GLIS3: variants seen among roughly 807,000 people sequenced by gnomAD.
The protein encoded by GLIS3 is zinc finger protein GLIS3.
A neutral mutation model predicts 78.6 loss-of-function variants in GLIS3; 53 were observed. The ratio of observed to expected loss-of-function variants is 0.67; its 90% CI spans 0.54 to 0.85. The LOEUF (loss-of-function observed/expected upper bound fraction) is 0.85, where lower values mean the gene tolerates loss of function less well. Ranked by LOEUF, GLIS3 falls within the 40% of genes least tolerant of loss-of-function variation. GLIS3 has a pLI of 0.00. For missense variants in GLIS3, 1,703 were observed against 1,231.1 expected, an observed-to-expected ratio of 1.38 and a Z score of -5.74; for synonymous variants, 684 against 509.9, an observed-to-expected ratio of 1.34 and a Z score of -4.60.
chr9:4,251,755 T>C (rs961865948), intron 2 of GLIS3, among the ~76,000 whole-genome samples: 45 of 152,180 alleles, frequency 3.0e-4, no homozygotes, highest in African/African-American at 1.0e-3. Context: ...GTTTTTCCTT[T>C]CCATGTTTAG....
chr9:4,333,323 G>A (rs577992309), intron 2 of GLIS3, among the ~76,000 whole-genome samples: 1 of 150,682 alleles, frequency 6.6e-6, no homozygotes, highest in South Asian at 2.1e-4. Context: ...AAAGCAAGGG[G>A]AAGGGAAGGA....
chr9:4,173,030 T>TA (rs1483127993), intron 2 of GLIS3, among the ~76,000 whole-genome samples: 1 of 152,212 alleles, frequency 6.6e-6, no homozygotes, highest in Non-Finnish European at 1.5e-5. Context: ...TTTTTAACAC[T>TA]ATGTGGACTT....
chr9:4,049,152 C>T (rs1039050359), intron 4 of GLIS3, among the ~76,000 whole-genome samples: 2 of 152,198 alleles, frequency 1.3e-5, no homozygotes, highest in Non-Finnish European at 2.9e-5. Flanking sequence ...ATAACAACAA[C>T]AGCTGCACCT....
intron 2 of GLIS3, among the ~76,000 whole-genome samples, chr9:4,315,611 A>T (rs1817424520): frequency 6.6e-6 from 1 of 152,198 alleles, no homozygotes; most frequent in Non-Finnish European, 1.5e-5. Context: ...TTCATGGAAG[A>T]CATACACTCA....
chr9:4,289,566 G>C (rs990799212), intron 1 of GLIS3, among the ~76,000 whole-genome samples: 2 of 152,138 alleles, frequency 1.3e-5, no homozygotes, highest in African/African-American at 4.8e-5. Flanking sequence ...TCCATCGGAA[G>C]AGCACCTTTC....
chr9:4,134,494 T>C (rs896499731), intron 2 of GLIS3, among the ~76,000 whole-genome samples: 1 of 152,208 alleles, frequency 6.6e-6, no homozygotes, highest in Admixed American at 6.5e-5. Context: ...TTTTACCTCT[T>C]AGCCTTAGTT....
chr9:4,385,161 T>C, the GLIS3 span, among the ~76,000 whole-genome samples: 1 of 152,238 alleles, frequency 6.6e-6, no homozygotes, highest in Admixed American at 6.5e-5. Flanking sequence ...TAGGATCTCA[T>C]GGGTTGCAGT....
At chr9:4,475,102 C>T in the GLIS3 span, among the ~76,000 whole-genome samples, 19 of 149,776 alleles carry the variant, frequency 1.3e-4, no homozygotes, top group African/African-American at 4.7e-4. Flanking sequence ...CAGGTGATTC[C>T]CCTTCCTCAG....
the GLIS3 span, among the ~76,000 whole-genome samples, chr9:4,417,785 C>T: frequency 6.6e-6 from 1 of 152,172 alleles, no homozygotes; most frequent in Non-Finnish European, 1.5e-5. Context: ...ACTTTGTAAT[C>T]TTTGCCTATC....
intron 1 of GLIS3, among the ~76,000 whole-genome samples, chr9:4,293,667 T>C (rs898240929): frequency 2.0e-4 from 30 of 152,224 alleles, no homozygotes; most frequent in African/African-American, 2.7e-4. Flanking sequence ...CTGTGTACAA[T>C]ATTCAGCAGG....
At chr9:4,143,675 T>C (rs1263005923) in intron 2 of GLIS3, among the ~76,000 whole-genome samples, 1 of 152,234 alleles carries the variant, frequency 6.6e-6, no homozygotes, top group Non-Finnish European at 1.5e-5. Context: ...CTCCAGAACT[T>C]ATTCGTCTTG....
intron 2 of GLIS3, among the ~76,000 whole-genome samples, chr9:4,345,476 C>G (rs1030201762): frequency 6.6e-6 from 1 of 152,142 alleles, no homozygotes; most frequent in Non-Finnish European, 1.5e-5. Context: ...GTCATTTTTA[C>G]TAGAATGGTA....
upstream of GLIS3, among the ~76,000 whole-genome samples, chr9:4,353,235 G>C (rs1044736289): frequency 1.3e-5 from 2 of 152,140 alleles, no homozygotes; most frequent in African/African-American, 4.8e-5. Context: ...TACCCTACCA[G>C]CCAGGCAAAA....
intron 6 of GLIS3, among the ~76,000 whole-genome samples, chr9:3,924,842 A>T (rs1825119374): frequency 6.6e-6 from 1 of 152,206 alleles, no homozygotes; most frequent in Non-Finnish European, 1.5e-5. Flanking sequence ...TTCCAAAATG[A>T]TTTTCATCAA....
At chr9:3,981,223 A>G (rs1384896781) in intron 4 of GLIS3, among the ~76,000 whole-genome samples, 1 of 152,192 alleles carries the variant, frequency 6.6e-6, no homozygotes, top group Admixed American at 6.5e-5. Context: ...ATTAAAGGAG[A>G]CAGGACTTTA....
chr9:3,998,004 T>G (rs1004707482), intron 4 of GLIS3, among the ~76,000 whole-genome samples: 6 of 152,226 alleles, frequency 3.9e-5, no homozygotes, highest in African/African-American at 1.4e-4. Context: ...TTCATTCATT[T>G]CTTTTTTATC....
intron 2 of GLIS3, among the ~76,000 whole-genome samples, chr9:4,153,604 T>A (rs1834842710): frequency 6.6e-6 from 1 of 152,116 alleles, no homozygotes; most frequent in African/African-American, 2.4e-5. Flanking sequence ...GAAGACTAAT[T>A]AAACTAAATA....
At chr9:3,956,705 C>T (rs902392469) in intron 4 of GLIS3, among the ~76,000 whole-genome samples, 3 of 152,188 alleles carry the variant, frequency 2.0e-5, no homozygotes, top group South Asian at 2.1e-4. Context: ...CTTTCATTAC[C>T]GAAGTAACTC....
intron 2 of GLIS3, among the ~76,000 whole-genome samples, chr9:4,280,940 C>G (rs1288316340): frequency 6.6e-6 from 1 of 152,158 alleles, no homozygotes; most frequent in Admixed American, 6.5e-5. Context: ...AAGTTCCCAA[C>G]TGTTCTCAGT....
Sources: allele counts gnomAD v4.1 joint callset (sites outside exome capture counted in the v4.1 genomes callset), GRCh38; gene constraint gnomAD v4.1.1; transcripts MANE v1.5; gene names NCBI Gene and HGNC (gene_info 2026-07-23, HGNC 2026-07-21).